DHRS7B: variants seen among roughly 807,000 people sequenced by gnomAD.
DHRS7B encodes the protein dehydrogenase/reductase 7B.
In DHRS7B, 24 loss-of-function variants were observed where a neutral mutation model predicts 26.4. That is an observed-to-expected ratio of 0.91 (90% CI 0.66 to 1.28). The LOEUF (loss-of-function observed/expected upper bound fraction) is 1.28. Ranked by LOEUF, DHRS7B falls within the 50% of genes most tolerant of loss-of-function variation. The pLI, the probability that DHRS7B is intolerant of heterozygous loss-of-function variation, is 0.00. For missense variants in DHRS7B, 368 were observed against 419.4 expected, an observed-to-expected ratio of 0.88 and a Z score of 1.07; for synonymous variants, 142 against 166.4, an observed-to-expected ratio of 0.85 and a Z score of 1.13.
rs561030905 is a variant in DHRS7B, at chr17:21,142,200, C to T, written c.20+15209C>T. Among the ~76,000 whole-genome samples, 14 of 152,222 alleles carry T rather than the reference C, an allele frequency of 9.2e-5. No homozygotes were observed. The South Asian group carries it at 1.2e-3, about 14-fold the overall frequency. On this transcript the variant is annotated intron_variant, in intron 1 of 6. Coordinates refer to ENST00000395511, the MANE Select transcript of DHRS7B (RefSeq NM_015510.5). ...GGGGTCCACGTGAGAGGGTCATGAT[C>T]GATTGAGCAAGCCAGAGGGTACGTG...
chr17:21,177,074 G>A lies in DHRS7B; in HGVS notation c.200-1159G>A, dbSNP rs547546601. Among the ~76,000 whole-genome samples the A allele has an allele frequency of 8.5e-5, 13 of 152,226 alleles. No individual in the cohort carries two copies. The South Asian group carries it at 2.3e-3, about 27-fold the overall frequency. The stretch of plus-strand genomic sequence containing the variant: ...ATGGTTTACCCTGCTGCGTCCAGGG[G>A]GTTTCTCGTCAGGCCCTCCTGCTTA... On this transcript the variant is annotated intron_variant, in intron 2 of 6. Coordinates refer to ENST00000395511, the MANE Select transcript of DHRS7B (RefSeq NM_015510.5).
At chr17:21,189,247 G>A (rs1486930497) in intron 6 of DHRS7B, among the ~76,000 whole-genome samples, 1 of 152,218 alleles carries the variant, frequency 6.6e-6, no homozygotes, top group Non-Finnish European at 1.5e-5. Context: ...TAGGGTGTTT[G>A]ATGGTCTGTC....
At chr17:21,178,505 A>C (rs1197694284) in intron 3 of DHRS7B, among the ~76,000 whole-genome samples, 163 bp downstream of exon 3, 1 of 152,156 alleles carries the variant, frequency 6.6e-6, no homozygotes, top group Non-Finnish European at 1.5e-5. Context: ...GGCCCACTGC[A>C]TAGGGAGAGA....
chr17:21,150,681 A>C (rs1378986212), intron 1 of DHRS7B, among the ~76,000 whole-genome samples: 2 of 152,242 alleles, frequency 1.3e-5, no homozygotes, highest in African/African-American at 4.8e-5. Context: ...AGTCTGTGAC[A>C]GACATGCCGA....
chr17:21,150,432 C>G (rs532391413), intron 1 of DHRS7B, among the ~76,000 whole-genome samples: 1 of 151,956 alleles, frequency 6.6e-6, no homozygotes, highest in South Asian at 2.1e-4. Context: ...GCCTGGCCAA[C>G]TTGGTGAAAC....
intron 1 of DHRS7B, among the ~76,000 whole-genome samples, chr17:21,163,275 T>C (rs189988325): frequency 6.6e-6 from 1 of 152,284 alleles, no homozygotes. Context: ...ACGGCTTTGG[T>C]ACATTGTCAG....
Position 21,178,347 on chromosome 17 carries a change from G to T in DHRS7B, c.309+5G>T. 1 of 1,612,812 alleles carries T rather than the reference G, an allele frequency of 6.2e-7. No homozygotes were observed. Among genetic ancestry groups the T allele is most frequent in the Non-Finnish European group, 8.5e-7 (1 of 1,179,254 alleles). On this transcript the variant is annotated splice_donor_5th_base_variant and intron_variant, in intron 3 of 6. Coordinates refer to ENST00000395511, the MANE Select transcript of DHRS7B (RefSeq NM_015510.5). ...ACCGCTTCTCATGCCACCAAGGTGA[G>T]CCAGGGGCGTGCTTTCCATGGGGAA...
intron 1 of DHRS7B, among the ~76,000 whole-genome samples, chr17:21,138,802 A>G (rs796318083): frequency 6.6e-6 from 1 of 152,050 alleles, no homozygotes; most frequent in Non-Finnish European, 1.5e-5. Flanking sequence ...TTTTCCTACA[A>G]TATATATTTA....
intron 5 of DHRS7B, among the ~76,000 whole-genome samples, chr17:21,187,660 A>G (rs1160405502): frequency 6.6e-6 from 1 of 151,324 alleles, no homozygotes. Flanking sequence ...AGGAAAAAAA[A>G]GAAAACCAAA....
Position 21,141,482 on chromosome 17 carries a change from C to T in DHRS7B, c.20+14491C>T, listed in dbSNP as rs114786832. Among the ~76,000 whole-genome samples, 1,451 of 152,048 alleles carry T rather than the reference C, an allele frequency of 9.5e-3. 31 individuals are homozygous for T. The highest frequency in any genetic ancestry group is 0.033 in the African/African-American group (1,369 of 41,456). ...CACACACACAAAACAGCAATAGGAT[C>T]ACTGAGCGCTCCAATGGTAAGGAGG... On this transcript the variant is annotated intron_variant, in intron 1 of 6. Coordinates refer to ENST00000395511, the MANE Select transcript of DHRS7B (RefSeq NM_015510.5).
chr17:21,177,304 G>A (rs1020372171), intron 2 of DHRS7B, among the ~76,000 whole-genome samples: 2 of 152,226 alleles, frequency 1.3e-5, no homozygotes, highest in Non-Finnish European at 2.9e-5. Context: ...TCGGCCATCC[G>A]GCTCTCCTCT....
intron 1 of DHRS7B, chr17:21,127,318 C>T: frequency 2.8e-6 from 1 of 354,874 alleles, no homozygotes; most frequent in Non-Finnish European, 5.1e-6. Flanking sequence ...CTCCTGGCTT[C>T]AACCTGTTTA....
intron 3 of DHRS7B, among the ~76,000 whole-genome samples, chr17:21,180,436 G>A (rs1459830749): frequency 6.6e-6 from 1 of 152,058 alleles, no homozygotes; most frequent in African/African-American, 2.4e-5. Flanking sequence ...TTTTATACAT[G>A]GTATTAGGTA....
At chr17:21,146,452 C>G (rs1356397005) in intron 1 of DHRS7B, among the ~76,000 whole-genome samples, 2 of 152,150 alleles carry the variant, frequency 1.3e-5, no homozygotes, top group East Asian at 1.9e-4. Flanking sequence ...CCTATTTAAT[C>G]CTTTCTGCAG....
intron 1 of DHRS7B, among the ~76,000 whole-genome samples, chr17:21,161,164 A>G (rs761174569): frequency 1.3e-4 from 20 of 152,260 alleles, no homozygotes; most frequent in Non-Finnish European, 2.6e-4. Context: ...AAGAGAATGC[A>G]TAGCACTGAG....
chr17:21,163,234 G>A (rs986003939), intron 1 of DHRS7B, among the ~76,000 whole-genome samples: 3 of 151,770 alleles, frequency 2.0e-5, no homozygotes, highest in Admixed American at 1.3e-4. Context: ...AAAAACACAG[G>A]TATAATCTAA....
At chr17:21,165,808 C>G (rs532370284) in intron 1 of DHRS7B, among the ~76,000 whole-genome samples, 1 of 147,236 alleles carries the variant, frequency 6.8e-6, no homozygotes, top group Non-Finnish European at 1.5e-5. Context: ...CGCAGCTACG[C>G]GGGAGGCTGA....
At chr17:21,177,142 C>G (rs959172490) in intron 2 of DHRS7B, among the ~76,000 whole-genome samples, 1 of 152,142 alleles carries the variant, frequency 6.6e-6, no homozygotes, top group African/African-American at 2.4e-5. Flanking sequence ...GCCCCCCACT[C>G]AAGGCTGATC....
chr17:21,137,962 G>A (rs540146890), intron 1 of DHRS7B, among the ~76,000 whole-genome samples: 6 of 146,150 alleles, frequency 4.1e-5, no homozygotes, highest in East Asian at 4.1e-4. Context: ...TCGATCTCCC[G>A]ACCTCGTGAT....
Sources: allele counts gnomAD v4.1 joint callset (sites outside exome capture counted in the v4.1 genomes callset), GRCh38; gene constraint gnomAD v4.1.1; transcripts MANE v1.5; gene names NCBI Gene and HGNC (gene_info 2026-07-23, HGNC 2026-07-21).